The following PLCE1 variants were observed in gnomAD, a reference collection of about 807,000 sequenced individuals.
PLCE1 encodes 1-phosphatidylinositol 4,5-bisphosphate phosphodiesterase epsilon-1.
Under a neutral mutation model 242.8 loss-of-function variants are expected in PLCE1, and 119 were observed. The ratio of observed to expected loss-of-function variants is 0.49; its 90% CI spans 0.42 to 0.57. The LOEUF is 0.57. Ranked by LOEUF, PLCE1 falls within the 20% of genes least tolerant of loss-of-function variation. The pLI, the probability that PLCE1 is intolerant of heterozygous loss-of-function variation, is 0.00. For missense variants in PLCE1, 2,441 were observed against 2,788.8 expected, an observed-to-expected ratio of 0.88 and a Z score of 2.81; for synonymous variants, 945 against 1,017.4, an observed-to-expected ratio of 0.93 and a Z score of 1.35.
At chr10:94,026,003 A>G (rs1257342542) in intron 1 of PLCE1, among the ~76,000 whole-genome samples, 2 of 152,226 alleles carry the variant, frequency 1.3e-5, no homozygotes, top group African/African-American at 4.8e-5. Flanking sequence ...CATGACATAA[A>G]TAAATAGATG....
intron 27 of PLCE1, among the ~76,000 whole-genome samples, chr10:94,311,891 A>T (rs955326443): frequency 7.9e-5 from 12 of 152,140 alleles, no homozygotes; most frequent in Non-Finnish European, 1.5e-4. Context: ...TCCCAAGAAG[A>T]TGATGTGCAG....
chr10:94,036,692 T>C (rs992205534), intron 2 of PLCE1, among the ~76,000 whole-genome samples: 5 of 152,160 alleles, frequency 3.3e-5, no homozygotes, highest in African/African-American at 1.2e-4. Flanking sequence ...AAGCTAAAGA[T>C]TGGTTAGGGG....
At chr10:94,124,396 A>G (rs2046382755) in intron 2 of PLCE1, among the ~76,000 whole-genome samples, 1 of 149,796 alleles carries the variant, frequency 6.7e-6, no homozygotes, top group Admixed American at 6.7e-5. Flanking sequence ...AAAAAAAAAA[A>G]AAGAAAGAAA....
At chr10:94,168,891 A>G (rs1316625075) in intron 3 of PLCE1, among the ~76,000 whole-genome samples, 1 of 152,194 alleles carries the variant, frequency 6.6e-6, no homozygotes, top group African/African-American at 2.4e-5. Flanking sequence ...GGCCTCTTTC[A>G]TCAAGCCACA....
chr10:94,157,236 G>C (rs750594419), intron 3 of PLCE1, among the ~76,000 whole-genome samples: 1 of 152,158 alleles, frequency 6.6e-6, no homozygotes. Context: ...TCTCCTCGTC[G>C]AGCTTCTAAG....
At position 94,330,208 on chromosome 10, in the gene PLCE1, A is replaced by G. The variant is rs1388872760; in HGVS notation, c.*2265A>G. 2.6e-5 allele frequency: 4 copies of G among 152,214 alleles called. No individual in the cohort carries two copies. The highest frequency in any genetic ancestry group is 1.3e-4 in the Admixed American group (2 of 15,286). The allele number at this position is 152,214 out of a possible 1,614,324, so 9.4% of individuals were successfully genotyped here. A position where few individuals can be genotyped will look rare whatever the true frequency, so the allele number is the denominator to read the frequency against. On this transcript the variant is annotated 3_prime_UTR_variant, in exon 33 of 33. Coordinates refer to ENST00000371380, the MANE Select transcript of PLCE1 (RefSeq NM_016341.4). ...CCTCCATGACCTTTAACACAGGTGTATGTTTTACAACATAAATCTGAGACT... is the reference window on the plus strand; with the variant it reads ...CCTCCATGACCTTTAACACAGGTGTGTGTTTTACAACATAAATCTGAGACT...
chr10:94,270,671 G>C, intron 18 of PLCE1, 69 bp downstream of exon 18: 1 of 969,990 alleles, frequency 1.0e-6, no homozygotes, highest in Non-Finnish European at 1.7e-6. Context: ...GGGTTGTTTT[G>C]TTTTGTTTTG....
intron 4 of PLCE1, among the ~76,000 whole-genome samples, chr10:94,179,633 A>G (rs566260725): frequency 6.7e-6 from 1 of 148,572 alleles, no homozygotes; most frequent in East Asian, 2.0e-4. Context: ...AGCCTCCCAA[A>G]TAGTTGGGAC....
At chr10:94,079,901 G>A (rs1009366360) in intron 2 of PLCE1, among the ~76,000 whole-genome samples, 2 of 152,170 alleles carry the variant, frequency 1.3e-5, no homozygotes, top group African/African-American at 4.8e-5. Context: ...AGTTTCCAAT[G>A]TTCCTTCTCC....
In PLCE1 at chr10:94,246,180, G is replaced by A; in HGVS notation, c.2655G>A (p.Gln885=). 1 of 1,614,112 alleles carries A rather than the reference G, an allele frequency of 6.2e-7. No homozygotes were observed. Among genetic ancestry groups the A allele is most frequent in the Admixed American group, 1.7e-5 (1 of 60,024 alleles). ...CTGCCCGCTGCTTCCTCCAGCTTCA[G>A]CCCGACAATAGCACCTTGACCTGGG... is the stretch of plus-strand genomic sequence containing the variant. The part of the protein sequence containing the change: ...HLSARCFLQL[Q]PDNSTLTWVK... Residue 885 remains glutamine (Q), a synonymous_variant, in exon 8 of 33, where the codon CAG becomes CAA. Coordinates refer to ENST00000371380, the MANE Select transcript of PLCE1 (RefSeq NM_016341.4).
intron 3 of PLCE1, among the ~76,000 whole-genome samples, chr10:94,134,291 GT>G (rs1241091037): frequency 1.3e-5 from 2 of 152,088 alleles, no homozygotes; most frequent in African/African-American, 4.8e-5. Flanking sequence ...TAGAGACGGG[GT>G]TTTGCCATGT....
At chr10:94,091,523 C>T (rs1289729913) in intron 2 of PLCE1, among the ~76,000 whole-genome samples, 4 of 152,106 alleles carry the variant, frequency 2.6e-5, no homozygotes, top group Non-Finnish European at 2.9e-5. Context: ...CTATAGTCTA[C>T]AGTACCTAAG....
chr10:94,325,677 TA>T (rs886275358), intron 32 of PLCE1: 15 of 152,096 alleles, frequency 9.9e-5, no homozygotes, highest in Non-Finnish European at 2.1e-4. Context: ...ATTTTGTAGA[TA>T]AATAAGCAAA....
At chr10:94,290,715 A>C (rs556878715) in intron 22 of PLCE1, among the ~76,000 whole-genome samples, 1 of 152,108 alleles carries the variant, frequency 6.6e-6, no homozygotes, top group South Asian at 2.1e-4. Flanking sequence ...ATATATATAC[A>C]CACACACATA....
chr10:94,078,353 A>G (rs2044563531), intron 2 of PLCE1, among the ~76,000 whole-genome samples: 1 of 152,200 alleles, frequency 6.6e-6, no homozygotes, highest in Admixed American at 6.5e-5. Context: ...TTCAGCATCT[A>G]TAACCCCCTT....
Position 94,262,516 on chromosome 10 carries a change from G to C in PLCE1, c.3837G>C (p.Ser1279=), listed in dbSNP as rs754326671. ...CAGATCTGTTGACCAGAAATGTCTCGGATTTGGGGTTGTTCATTAAGAGTA... is the reference window on the plus strand; with the variant it reads ...CAGATCTGTTGACCAGAAATGTCTCCGATTTGGGGTTGTTCATTAAGAGTA... The part of the protein sequence containing the change: ...PDLDLLTRNV[S]DLGLFIKSKQ... Residue 1279 remains serine, a synonymous_variant, in exon 14 of 33, where the codon TCG becomes TCC. Coordinates refer to ENST00000371380, the MANE Select transcript of PLCE1 (RefSeq NM_016341.4). 6.2e-7 allele frequency: 1 copy of C among 1,612,992 alleles called. No homozygotes were observed. Among genetic ancestry groups the C allele is most frequent in the African/African-American group, 1.3e-5 (1 of 74,872 alleles).
rs1466330009 is a variant in PLCE1 at position 94,328,027 on chromosome 10, T to G, written c.*84T>G. 2 of 525,274 alleles carry G rather than the reference T, an allele frequency of 3.8e-6. No individual in the cohort carries two copies. The highest frequency in any genetic ancestry group is 4.0e-5 in the Admixed American group (2 of 50,524). The allele number at this position is 525,274 out of a possible 1,614,324, so 32.5% of individuals were successfully genotyped here. A position where few individuals can be genotyped will look rare whatever the true frequency, so the allele number is the denominator to read the frequency against. ...CATGGTGGAAAAAATATAATTATTT[T>G]CATCAGACTTAAACTGGAAATTGAT... On this transcript the variant is annotated 3_prime_UTR_variant, in exon 33 of 33. Transcript: ENST00000371380.
At chr10:94,240,062 A>G (rs2050452687) in intron 7 of PLCE1, among the ~76,000 whole-genome samples, 1 of 152,136 alleles carries the variant, frequency 6.6e-6, no homozygotes, top group Non-Finnish European at 1.5e-5. Context: ...GAGACCCAAC[A>G]TGATTTGTAA....
rs2048824337 is a variant in PLCE1 at position 94,196,451 on chromosome 10, A to G, written c.1809+24955A>G. Reference sequence around the variant, plus strand: ...AGCTCCGAGGGGAAGAGCCTTTTAAAGTGGAAAAGGAGGATCTATAAGCTA... The same window carrying G: ...AGCTCCGAGGGGAAGAGCCTTTTAAGGTGGAAAAGGAGGATCTATAAGCTA... On this transcript the variant is annotated intron_variant, in intron 4 of 32. Transcript: ENST00000371380. Among the ~76,000 whole-genome samples the G allele has an allele frequency of 2.0e-5, 3 of 152,220 alleles. No homozygotes were observed. The South Asian group carries it at 6.2e-4, about 32-fold the overall frequency.
Sources: gnomAD v4.1 joint callset for allele counts (sites outside exome capture counted in the v4.1 genomes callset) on GRCh38, gnomAD v4.1.1 for gene constraint, MANE v1.5 for transcripts, NCBI Gene and HGNC (gene_info 2026-07-23, HGNC 2026-07-21) for gene names.